The following ZNF407 variants were observed in gnomAD, a reference collection of about 807,000 sequenced individuals.
ZNF407 encodes zinc finger protein 407.
In ZNF407, 17 loss-of-function variants were observed where a neutral mutation model predicts 131.2. The observed-to-expected ratio is 0.13, with a 90% CI of 0.09 to 0.19. The LOEUF is 0.19. ZNF407 is among the 10% of genes least tolerant of loss of function. The pLI, the probability that ZNF407 is intolerant of heterozygous loss-of-function variation, is 1.00. For missense variants in ZNF407, 2,681 were observed against 2,830.6 expected, an observed-to-expected ratio of 0.95 and a Z score of 1.20; for synonymous variants, 1,156 against 1,062.0, an observed-to-expected ratio of 1.09 and a Z score of -1.72.
At chr18:74,920,090 G>A (rs1200973993) in intron 7 of ZNF407, among the ~76,000 whole-genome samples, 1 of 152,188 alleles carries the variant, frequency 6.6e-6, no homozygotes, top group African/African-American at 2.4e-5. Flanking sequence ...CACCTTGCGT[G>A]ACAGAACTTA....
chr18:74,732,328 A>G (rs1452104710), intron 3 of ZNF407, among the ~76,000 whole-genome samples: 1 of 151,926 alleles, frequency 6.6e-6, no homozygotes, highest in African/African-American at 2.4e-5. Context: ...CACTACAAGT[A>G]CTCCTGAAAG....
intron 5 of ZNF407, among the ~76,000 whole-genome samples, chr18:74,878,756 T>C (rs1173688057): frequency 6.6e-6 from 1 of 152,090 alleles, no homozygotes. Flanking sequence ...TCTGCTATCA[T>C]ATAAATAGGG....
intron 3 of ZNF407, among the ~76,000 whole-genome samples, chr18:74,756,292 G>T (rs1331380689): frequency 6.6e-6 from 1 of 152,062 alleles, no homozygotes; most frequent in Non-Finnish European, 1.5e-5. Flanking sequence ...GATTGGTTTG[G>T]TTATTCTGAG....
chr18:74,994,483 A>G (rs935869701), intron 8 of ZNF407, among the ~76,000 whole-genome samples: 1 of 152,246 alleles, frequency 6.6e-6, no homozygotes, highest in African/African-American at 2.4e-5. Context: ...AAGTGATGAA[A>G]ATGAACATTT....
chr18:74,925,188 T>C (rs986412040), intron 8 of ZNF407, among the ~76,000 whole-genome samples: 4 of 152,234 alleles, frequency 2.6e-5, no homozygotes, highest in African/African-American at 9.6e-5. Flanking sequence ...TTTTTACATA[T>C]GCTAAGACTT....
intron 8 of ZNF407, among the ~76,000 whole-genome samples, chr18:74,956,429 T>G (rs769824843): frequency 6.6e-6 from 1 of 152,124 alleles, no homozygotes; most frequent in Non-Finnish European, 1.5e-5. Context: ...CTAAAATCTC[T>G]TCATCCTTCT....
chr18:74,766,823 A>G (rs1969244582), intron 3 of ZNF407, among the ~76,000 whole-genome samples: 1 of 152,234 alleles, frequency 6.6e-6, no homozygotes. Flanking sequence ...TTCTAAAGAT[A>G]ACATCGTTAA....
At chr18:74,673,702 G>T (rs1986244405) in intron 3 of ZNF407, among the ~76,000 whole-genome samples, 1 of 152,162 alleles carries the variant, frequency 6.6e-6, no homozygotes. Context: ...TTATTAAAGG[G>T]TTAGCTTTAG....
At chr18:74,886,844 T>C (rs980949565) in intron 6 of ZNF407, among the ~76,000 whole-genome samples, 1 of 152,204 alleles carries the variant, frequency 6.6e-6, no homozygotes, top group Non-Finnish European at 1.5e-5. Context: ...ACTTATCAAA[T>C]GGAAGTTTTT....
intron 8 of ZNF407, among the ~76,000 whole-genome samples, chr18:74,966,734 G>A (rs1398956607): frequency 2.0e-5 from 3 of 152,146 alleles, no homozygotes; most frequent in Non-Finnish European, 2.9e-5. Context: ...CATAGAATCT[G>A]TAGATTGTTT....
At chr18:74,839,959 T>C (rs904534257) in intron 4 of ZNF407, among the ~76,000 whole-genome samples, 2 of 152,148 alleles carry the variant, frequency 1.3e-5, no homozygotes, top group East Asian at 1.9e-4. Context: ...GAATTTCTTC[T>C]TTTTCAAATT....
At chr18:74,714,676 T>TA (rs1967848770) in intron 3 of ZNF407, among the ~76,000 whole-genome samples, 1 of 152,174 alleles carries the variant, frequency 6.6e-6, no homozygotes, top group African/African-American at 2.4e-5. Context: ...GTATTATTGG[T>TA]AAAATTTTTT....
At chr18:74,885,732 C>T (rs1371622964) in intron 6 of ZNF407, among the ~76,000 whole-genome samples, 2 of 152,146 alleles carry the variant, frequency 1.3e-5, no homozygotes, top group Admixed American at 1.3e-4. Flanking sequence ...GTCTTTTCAA[C>T]ATTCTATGTT....
At chr18:74,873,373 G>A (rs770586033) in intron 4 of ZNF407, among the ~76,000 whole-genome samples, 1 of 152,106 alleles carries the variant, frequency 6.6e-6, no homozygotes, top group Non-Finnish European at 1.5e-5. Flanking sequence ...GAATACCTTG[G>A]CATGTGCTGA....
At chr18:74,638,116 C>T (rs1210247336) in intron 2 of ZNF407, among the ~76,000 whole-genome samples, 3 of 152,168 alleles carry the variant, frequency 2.0e-5, no homozygotes, top group Non-Finnish European at 2.9e-5. Context: ...TTAGAGTGCT[C>T]TGGTCACTAA....
At chr18:74,784,220 A>C (rs565190110) in intron 4 of ZNF407, among the ~76,000 whole-genome samples, 1 of 152,218 alleles carries the variant, frequency 6.6e-6, no homozygotes, top group African/African-American at 2.4e-5. Context: ...TTTCTCCAGG[A>C]CAGTATAATC....
chr18:74,916,781 A>AGTGTGT (rs375090606), intron 7 of ZNF407, among the ~76,000 whole-genome samples: 1,527 of 87,960 alleles, frequency 0.017, 116 homozygotes, highest in African/African-American at 0.057. Flanking sequence ...TCGAATCGGG[A>AGTGTGT]GTGTGTGTGT....
chr18:74,864,982 T>G (rs1470288057), intron 4 of ZNF407, among the ~76,000 whole-genome samples: 1 of 152,198 alleles, frequency 6.6e-6, no homozygotes, highest in African/African-American at 2.4e-5. Context: ...TAATGAACAA[T>G]ATCTATAATT....
chr18:74,600,714 A>C (rs895993476), intron 1 of ZNF407, among the ~76,000 whole-genome samples: 23 of 152,204 alleles, frequency 1.5e-4, no homozygotes, highest in African/African-American at 5.5e-4. Context: ...TAGGGAATCC[A>C]GTTTTGGATA....
Sources: gnomAD v4.1 joint callset for allele counts (sites outside exome capture counted in the v4.1 genomes callset) on GRCh38, gnomAD v4.1.1 for gene constraint, MANE v1.5 for transcripts, NCBI Gene and HGNC (gene_info 2026-07-23, HGNC 2026-07-21) for gene names.